Variants in EBF3 observed in about 807,000 individuals in gnomAD.
The protein encoded by EBF3 is transcription factor COE3.
Under a neutral mutation model 77.1 loss-of-function variants are expected in EBF3, and 18 were observed. The observed-to-expected ratio is 0.23, with a 90% CI of 0.16 to 0.35. The LOEUF is 0.35. Ranked by LOEUF, EBF3 falls within the 10% of genes least tolerant of loss-of-function variation. The probability of loss-of-function intolerance (pLI) is 1.00; values close to 1 mark genes in which losing one functional copy is unlikely to be tolerated. For synonymous variants in EBF3, 350 were observed against 343.5 expected (o/e 1.02, Z -0.21); for missense variants, 558 against 860.0 (o/e 0.65, Z 4.39).
chr10:129,896,505 C>A (rs985036114), intron 6 of EBF3, among the ~76,000 whole-genome samples: 12 of 152,180 alleles, frequency 7.9e-5, no homozygotes, highest in Admixed American at 7.9e-4. Flanking sequence ...GGGCGGGGGC[C>A]GGCGTGGGCC....
At chr10:129,865,428 G>A (rs1241438239) in intron 10 of EBF3, among the ~76,000 whole-genome samples, 1 of 152,174 alleles carries the variant, frequency 6.6e-6, no homozygotes, top group Non-Finnish European at 1.5e-5. Context: ...TTACATGGAA[G>A]CCAAGAGGTG....
At chr10:129,922,419 C>T (rs977799374) in intron 6 of EBF3, among the ~76,000 whole-genome samples, 1 of 152,242 alleles carries the variant, frequency 6.6e-6, no homozygotes, top group East Asian at 1.9e-4. Flanking sequence ...CCGTGCCCCC[C>T]GGCCCTCAGC....
intron 6 of EBF3, among the ~76,000 whole-genome samples, chr10:129,887,036 C>T (rs1853636418): frequency 2.7e-5 from 1 of 37,600 alleles, no homozygotes; most frequent in Admixed American, 3.3e-4. Context: ...GGGGAAGAGG[C>T]TGGGTGGGGG....
intron 6 of EBF3, among the ~76,000 whole-genome samples, chr10:129,898,374 A>T (rs1308615097): frequency 6.6e-6 from 1 of 152,174 alleles, no homozygotes; most frequent in Non-Finnish European, 1.5e-5. Flanking sequence ...GGTGGAAACA[A>T]TCAGGCTTTC....
At position 129,964,032 on chromosome 10, in the gene EBF3, C is replaced by G. The variant is rs1859745810; in HGVS notation, c.-264G>C. 1.0e-6 allele frequency: 1 copy of G among 984,938 alleles called. No homozygotes were observed. Among genetic ancestry groups the G allele is most frequent in the Non-Finnish European group, 1.2e-6 (1 of 829,740 alleles). The allele number at this position is 984,938 out of a possible 1,614,324, so 61.0% of individuals were successfully genotyped here. ...GCAGGACGCGGTGGCCGCGGCGGCG[C>G]TTGTTGTTGTTGTTGTTTGCAGGCG... On this transcript the variant is annotated 5_prime_UTR_variant, in exon 1 of 17. Coordinates refer to ENST00000440978, the MANE Select transcript of EBF3 (RefSeq NM_001375380.1). This position sits in a 1 kb window ranked among gnomAD's most constrained non-coding sequence, Gnocchi z 4.5.
At chr10:129,901,755 A>G (rs1198406587) in intron 6 of EBF3, among the ~76,000 whole-genome samples, 1 of 152,208 alleles carries the variant, frequency 6.6e-6, no homozygotes, top group Non-Finnish European at 1.5e-5. Flanking sequence ...AAATATTAAA[A>G]TCGCACAGCG....
chr10:129,890,492 C>T (rs77756408), intron 6 of EBF3, among the ~76,000 whole-genome samples: 99 of 152,370 alleles, frequency 6.5e-4, no homozygotes, highest in African/African-American at 2.3e-3. Context: ...GGGGCCTCCG[C>T]CAGCCTAATA....
intron 6 of EBF3, among the ~76,000 whole-genome samples, chr10:129,894,472 C>T (rs1472411033): frequency 6.6e-6 from 1 of 152,172 alleles, no homozygotes; most frequent in Non-Finnish European, 1.5e-5. Context: ...TCCCACAGGT[C>T]CCAGGGGAGA....
rs1851799896 is a variant in EBF3 at position 129,863,717 on chromosome 10, T to A, written c.1039+3424A>T. Among the ~76,000 whole-genome samples, 3 of 152,174 alleles carry A rather than the reference T, an allele frequency of 2.0e-5. No individual in the cohort carries two copies. In the South Asian group the frequency reaches 6.2e-4, roughly 32 times the overall value. The stretch of plus-strand genomic sequence containing the variant: ...TTCAGCGGGGGAGTGCAATTCCCGG[T>A]GATTACCTCATTGTCCCCATCAATT... On this transcript the variant is annotated intron_variant, in intron 10 of 16. Coordinates refer to ENST00000440978, the MANE Select transcript of EBF3 (RefSeq NM_001375380.1). The surrounding 1 kb of genome is among the most constrained non-coding windows in gnomAD (Gnocchi z 4.0).
At chr10:129,934,235 T>C (rs558904972) in intron 6 of EBF3, among the ~76,000 whole-genome samples, 23 of 151,864 alleles carry the variant, frequency 1.5e-4, no homozygotes, top group African/African-American at 5.3e-4. Flanking sequence ...CCTCCACCCT[T>C]GAAGACCCCA....
chr10:129,857,511 C>T (rs1229651501), intron 10 of EBF3, among the ~76,000 whole-genome samples: 1 of 152,194 alleles, frequency 6.6e-6, no homozygotes, highest in African/African-American at 2.4e-5. Context: ...CTCCCCAGGG[C>T]GCCCCTCCTC....
At chr10:129,900,098 G>A (rs1854676054) in intron 6 of EBF3, among the ~76,000 whole-genome samples, 1 of 152,198 alleles carries the variant, frequency 6.6e-6, no homozygotes, top group East Asian at 1.9e-4. Flanking sequence ...GCTGACTCCG[G>A]TGTTTCCATG....
chr10:129,959,676 G>C (rs1270382209), intron 4 of EBF3, among the ~76,000 whole-genome samples: 1 of 151,888 alleles, frequency 6.6e-6, no homozygotes, highest in Non-Finnish European at 1.5e-5. Flanking sequence ...GAGCTCCCGG[G>C]GCCTCCCTGA....
Position 129,837,956 on chromosome 10 carries a change from C to T in EBF3, c.1877G>A (p.Cys626Tyr), listed in dbSNP as rs1184168919. The T allele has an allele frequency of 6.2e-7, 1 of 1,614,120 alleles. No individual in the cohort carries two copies. Among genetic ancestry groups the T allele is most frequent in the Non-Finnish European group, 8.5e-7 (1 of 1,180,018 alleles). The stretch of plus-strand genomic sequence containing the variant: ...ACATTGGCGGGACTACCAGCCCAGA[C>T]ATAGCTGCAAGACAGAAGGACAGAG... ...LMLKKGTGKLCLGW is the reference protein window; with the variant it reads ...LMLKKGTGKLYLGW Residue 626 changes from cysteine to tyrosine, a missense_variant, in exon 17 of 17, where the codon TGT (cysteine) becomes TAT (tyrosine). By Grantham distance (194) the Cys-to-Tyr change is radical. Transcript: ENST00000440978.
chr10:129,913,639 T>C (rs562435606), intron 6 of EBF3, among the ~76,000 whole-genome samples: 1 of 152,216 alleles, frequency 6.6e-6, no homozygotes, highest in Admixed American at 6.5e-5. Context: ...AAAAAATAAA[T>C]AACAAGATAC....
intron 15 of EBF3, among the ~76,000 whole-genome samples, chr10:129,839,939 C>T (rs577018317): frequency 2.0e-5 from 3 of 152,334 alleles, no homozygotes; most frequent in Non-Finnish European, 2.9e-5. Flanking sequence ...TCACCACACT[C>T]CCGCCTTCTC....
At chr10:129,910,451 C>A (rs73383621) in intron 6 of EBF3, among the ~76,000 whole-genome samples, 2,876 of 152,238 alleles carry the variant, frequency 0.019, 91 homozygotes, top group African/African-American at 0.065. Flanking sequence ...TATTCACAAA[C>A]CAAGTCAGAA....
At chr10:129,869,504 C>A (rs1383259166) in intron 8 of EBF3, among the ~76,000 whole-genome samples, 1 of 151,852 alleles carries the variant, frequency 6.6e-6, no homozygotes, top group African/African-American at 2.4e-5. Context: ...CTTATTTGAG[C>A]CCCTGTGCAG....
At chr10:129,928,059 G>C (rs542608566) in intron 6 of EBF3, among the ~76,000 whole-genome samples, 7 of 152,134 alleles carry the variant, frequency 4.6e-5, no homozygotes, top group Non-Finnish European at 1.0e-4. Flanking sequence ...AACAGGAACC[G>C]TTACTATTCC....
Sources: gnomAD v4.1 joint callset for allele counts (sites outside exome capture counted in the v4.1 genomes callset) on GRCh38, gnomAD v4.1.1 for gene constraint, Gnocchi (gnomAD v3.1) non-coding constraint, MANE v1.5 for transcripts, NCBI Gene and HGNC (gene_info 2026-07-23, HGNC 2026-07-21) for gene names.